Variants in ANKRD23 observed in about 807,000 individuals in gnomAD.
ANKRD23 encodes ankyrin repeat domain-containing protein 23.
Under a neutral mutation model 38.1 loss-of-function variants are expected in ANKRD23, and 52 were observed. The observed-to-expected ratio is 1.36, with a 90% CI of 1.09 to 1.72. The LOEUF is 1.72. ANKRD23 is among the 40% of genes most tolerant of loss of function. The pLI is 0.00. For missense variants in ANKRD23, 416 were observed against 400.2 expected (o/e 1.04, Z -0.34); for synonymous variants, 167 against 162.9 (o/e 1.03, Z -0.19).
intron 6 of ANKRD23, 55 bp downstream of exon 6, chr2:96,840,177 G>T (rs375676500): frequency 6.4e-7 from 1 of 1,572,290 alleles, no homozygotes. Context: ...TCTTCTCCAG[G>T]AACAGCGTCT....
rs546022312 is a variant in ANKRD23, at chr2:96,839,002, A to G, written c.*547T>C. 7 of 985,918 alleles carry G rather than the reference A, an allele frequency of 7.1e-6. No homozygotes were observed. The African/African-American group carries it at 1.2e-4, about 17-fold the overall frequency. 61.1% of individuals were successfully genotyped at this position (985,918 alleles called of 1,614,324 possible). ...CTACTGACAGGAATGGGGTCCCCAG[A>G]GAAAGCCATGCCCACAGGCATCCAC... On this transcript the variant is annotated 3_prime_UTR_variant, in exon 9 of 9. Transcript: ENST00000318357.
chr2:96,841,685 G>A (rs2079763534), intron 3 of ANKRD23, among the ~76,000 whole-genome samples: 1 of 151,262 alleles, frequency 6.6e-6, no homozygotes, highest in African/African-American at 2.4e-5. Flanking sequence ...CAAACATGAA[G>A]GCAATAGTTG....
chr2:96,841,428 CTACTAAAAATACAAAAA>C (rs778757354), intron 3 of ANKRD23, among the ~76,000 whole-genome samples: 4 of 151,764 alleles, frequency 2.6e-5, no homozygotes, highest in Non-Finnish European at 4.4e-5. Flanking sequence ...AACCCCATCT[CTACTAAAAATACAAAAA>C]AAAATTAGCC....
At position 96,838,485 on chromosome 2, in the gene ANKRD23, C is replaced by T. The variant is rs1053974717; in HGVS notation, c.*1064G>A. 11 of 985,344 alleles carry T rather than the reference C, an allele frequency of 1.1e-5. No individual in the cohort carries two copies. Among genetic ancestry groups the T allele is most frequent in the Admixed American group, 6.2e-5 (1 of 16,258 alleles). 61.0% of individuals were successfully genotyped at this position (985,344 alleles called of 1,614,324 possible). ...GGAAGGGATGGGAAGGGCTGGGGGG[C>T]GGCGGGGGCTCACCTTCCTCTGCTT... On this transcript the variant is annotated 3_prime_UTR_variant, in exon 9 of 9. Transcript: ENST00000318357.
At position 96,839,060 on chromosome 2, in the gene ANKRD23, T is replaced by C; in HGVS notation, c.*489A>G. The C allele has an allele frequency of 4.1e-6, 4 of 986,786 alleles. No homozygotes were observed. The highest frequency in any genetic ancestry group is 4.8e-6 in the Non-Finnish European group (4 of 830,924). 61.1% of individuals were successfully genotyped at this position (986,786 alleles called of 1,614,324 possible). A position where few individuals can be genotyped will look rare whatever the true frequency, so the allele number is the denominator to read the frequency against. On this transcript the variant is annotated 3_prime_UTR_variant, in exon 9 of 9. Transcript: ENST00000318357. ...AGACAGGCCCGGCCCCTGCATGGCCTGCCTTGGCTGCACCTTGTACATCCT... is the reference window on the plus strand; with the variant it reads ...AGACAGGCCCGGCCCCTGCATGGCCCGCCTTGGCTGCACCTTGTACATCCT...
chr2:96,839,334 C>T lies in ANKRD23; in HGVS notation c.*215G>A, dbSNP rs893401769. ...CCTCTGCTCCAGCCCTGGGAGGGAA[C>T]GCGGCTCCCCTGACACTCGAAGCCA... On this transcript the variant is annotated 3_prime_UTR_variant, in exon 9 of 9. Coordinates refer to ENST00000318357, the MANE Select transcript of ANKRD23 (RefSeq NM_144994.8). The T allele has an allele frequency of 2.6e-5, 32 of 1,249,446 alleles. No homozygotes were observed. The highest frequency in any genetic ancestry group is 4.7e-5 in the African/African-American group (3 of 64,360). The allele number at this position is 1,249,446 out of a possible 1,614,324, so 77.4% of individuals were successfully genotyped here.
In ANKRD23 at chr2:96,839,336, C is replaced by T. The variant is rs1354795147; in HGVS notation, c.*213G>A. The T allele has an allele frequency of 1.5e-5, 19 of 1,250,508 alleles. No individual in the cohort carries two copies. The East Asian group carries it at 5.0e-4, about 33-fold the overall frequency. 77.5% of individuals were successfully genotyped at this position (1,250,508 alleles called of 1,614,324 possible). On this transcript the variant is annotated 3_prime_UTR_variant, in exon 9 of 9. Coordinates refer to ENST00000318357, the MANE Select transcript of ANKRD23 (RefSeq NM_144994.8). The stretch of plus-strand genomic sequence containing the variant: ...TCTGCTCCAGCCCTGGGAGGGAACG[C>T]GGCTCCCCTGACACTCGAAGCCAGG...
rs963965643 is a variant in ANKRD23, at chr2:96,838,005, G to C, written c.*1544C>G. On this transcript the variant is annotated 3_prime_UTR_variant, in exon 9 of 9. Transcript: ENST00000318357. ...GGTGTCCTCATTTTCTAGATGAGGA[G>C]TTGTCTTCTCCATGGTCTTGAACGC... 2 of 152,264 alleles carry C rather than the reference G, an allele frequency of 1.3e-5. No individual in the cohort carries two copies. Among genetic ancestry groups the C allele is most frequent in the African/African-American group, 4.8e-5 (2 of 41,470 alleles). The allele number at this position is 152,264 out of a possible 1,614,324, so 9.4% of individuals were successfully genotyped here. A position where few individuals can be genotyped will look rare whatever the true frequency, so the allele number is the denominator to read the frequency against.
chr2:96,838,513 C>G lies in ANKRD23; in HGVS notation c.*1036G>C. 1 of 985,998 alleles carries G rather than the reference C, an allele frequency of 1.0e-6. No homozygotes were observed. The highest frequency in any genetic ancestry group is 1.2e-6 in the Non-Finnish European group (1 of 830,222). 61.1% of individuals were successfully genotyped at this position (985,998 alleles called of 1,614,324 possible). A position where few individuals can be genotyped will look rare whatever the true frequency, so the allele number is the denominator to read the frequency against. On this transcript the variant is annotated 3_prime_UTR_variant, in exon 9 of 9. Transcript: ENST00000318357. ...CGGGGGCTCACCTTCCTCTGCTTCC[C>G]TGTGGGCTGGGTTCAGAGCTCCTCA...
chr2:96,843,902 C>G (rs1477544874), intron 1 of ANKRD23, 64 bp downstream of exon 1: 1 of 1,552,180 alleles, frequency 6.4e-7, no homozygotes, highest in East Asian at 2.3e-5. Context: ...CCAGCCCTCT[C>G]TAGCCAGCCT....
At chr2:96,840,627 C>T (rs1012933405) in intron 4 of ANKRD23, 113 bp from the exon 5 acceptor site, 12 of 1,502,150 alleles carry the variant, frequency 8.0e-6, no homozygotes, top group South Asian at 2.4e-5. Flanking sequence ...TCCCCCACCA[C>T]GCGATGGGCC....
chr2:96,839,846 C>A lies in ANKRD23; in HGVS notation c.724-21G>T. On this transcript the variant is annotated intron_variant, in intron 7 of 8. Coordinates refer to ENST00000318357, the MANE Select transcript of ANKRD23 (RefSeq NM_144994.8). ...CCTTCCTGCTGAGAACGCAGGCAGTCAAGCTTCTGCCTCCGCGTGCTGCCC... is the reference window on the plus strand; with the variant it reads ...CCTTCCTGCTGAGAACGCAGGCAGTAAAGCTTCTGCCTCCGCGTGCTGCCC... The A allele has an allele frequency of 2.5e-6, 4 of 1,605,270 alleles. No homozygotes were observed. In the South Asian group the frequency reaches 3.3e-5, roughly 13 times the overall value.
chr2:96,838,989 A>G lies in ANKRD23; in HGVS notation c.*560T>C. 1.0e-6 allele frequency: 1 copy of G among 985,830 alleles called. No homozygotes were observed. The highest frequency in any genetic ancestry group is 1.2e-6 in the Non-Finnish European group (1 of 830,242). The allele number at this position is 985,830 out of a possible 1,614,324, so 61.1% of individuals were successfully genotyped here. ...ACTGCCAGGGTTGCTACTGACAGGA[A>G]TGGGGTCCCCAGAGAAAGCCATGCC... On this transcript the variant is annotated 3_prime_UTR_variant, in exon 9 of 9. Coordinates refer to ENST00000318357, the MANE Select transcript of ANKRD23 (RefSeq NM_144994.8).
In ANKRD23 at chr2:96,838,874, G is replaced by C; in HGVS notation, c.*675C>G. 1.0e-6 allele frequency: 1 copy of C among 985,492 alleles called. No individual in the cohort carries two copies. The highest frequency in any genetic ancestry group is 1.2e-6 in the Non-Finnish European group (1 of 829,996). 61.0% of individuals were successfully genotyped at this position (985,492 alleles called of 1,614,324 possible). On this transcript the variant is annotated 3_prime_UTR_variant, in exon 9 of 9. Transcript: ENST00000318357. Reference sequence around the variant, plus strand: ...TGGGTCCTGGACTTCTGTTGCTGTGGGGCCTCAAACCTGTTGAGTAGCCAC... The same window carrying C: ...TGGGTCCTGGACTTCTGTTGCTGTGCGGCCTCAAACCTGTTGAGTAGCCAC...
chr2:96,840,395 T>C (rs754288228), intron 5 of ANKRD23, 21 bp downstream of exon 5: 107 of 1,613,504 alleles, frequency 6.6e-5, no homozygotes, highest in Non-Finnish European at 8.7e-5. Flanking sequence ...GACCAGAGGC[T>C]GGGCCTTTCC....
chr2:96,839,286 C>A lies in ANKRD23; in HGVS notation c.*263G>T. 1 of 1,212,406 alleles carries A rather than the reference C, an allele frequency of 8.2e-7. No homozygotes were observed. The highest frequency in any genetic ancestry group is 1.0e-6 in the Non-Finnish European group (1 of 975,794). The allele number at this position is 1,212,406 out of a possible 1,614,324, so 75.1% of individuals were successfully genotyped here. A position where few individuals can be genotyped will look rare whatever the true frequency, so the allele number is the denominator to read the frequency against. ...CCCCTTCCTGGCCCTCATCTGGACC[C>A]GCGCTTTCTGCTGCCTTGTGGTCCT... On this transcript the variant is annotated 3_prime_UTR_variant, in exon 9 of 9. Transcript: ENST00000318357.
At chr2:96,841,097 G>A (rs893565760) in intron 3 of ANKRD23, 185 bp from the exon 4 acceptor site, 22 of 681,984 alleles carry the variant, frequency 3.2e-5, no homozygotes, top group African/African-American at 9.1e-5. Context: ...GTGTGTGAGC[G>A]TGTGTGTTAT....
intron 1 of ANKRD23, among the ~76,000 whole-genome samples, chr2:96,842,847 A>G (rs1352702966): frequency 6.6e-6 from 1 of 152,192 alleles, no homozygotes; most frequent in Non-Finnish European, 1.5e-5. Flanking sequence ...CTCAGGGCAG[A>G]TGACACCTTA....
At chr2:96,840,163 G>A in intron 6 of ANKRD23, 68 bp from the exon 7 acceptor site, 1 of 1,561,704 alleles carries the variant, frequency 6.4e-7, no homozygotes, top group Non-Finnish European at 8.7e-7. Context: ...GGGACTACGT[G>A]CTCTCTTCTC....
Sources: gnomAD v4.1 joint callset for allele counts (sites outside exome capture counted in the v4.1 genomes callset) on GRCh38, gnomAD v4.1.1 for gene constraint, MANE v1.5 for transcripts, NCBI Gene and HGNC (gene_info 2026-07-23, HGNC 2026-07-21) for gene names.